Variants in PLCL1 observed in about 807,000 individuals in gnomAD.
The protein encoded by PLCL1 is phospholipase C like 1 (inactive).
Under a neutral mutation model 84.4 loss-of-function variants are expected in PLCL1, and 41 were observed. That is an observed-to-expected ratio of 0.49 (90% CI 0.38 to 0.63). The LOEUF (loss-of-function observed/expected upper bound fraction) is 0.63. Among genes scored for constraint, PLCL1 ranks in the 30% least tolerant of loss-of-function variants. The pLI, the probability that PLCL1 is intolerant of heterozygous loss-of-function variation, is 0.00. For missense variants in PLCL1, 1,206 were observed against 1,367.8 expected (o/e 0.88, Z 1.87); for synonymous variants, 490 against 488.3 (o/e 1.00, Z -0.05).
intron 1 of PLCL1, among the ~76,000 whole-genome samples, chr2:197,948,922 C>T (rs764677037): frequency 2.6e-5 from 4 of 152,082 alleles, no homozygotes; most frequent in Admixed American, 6.6e-5. Flanking sequence ...GTTTCTAGTC[C>T]CATGTCTCTG....
chr2:197,823,862 T>C (rs1397872099), intron 1 of PLCL1, among the ~76,000 whole-genome samples: 1 of 152,194 alleles, frequency 6.6e-6, no homozygotes, highest in Non-Finnish European at 1.5e-5. Context: ...TCAGTATGTA[T>C]AATTGTCACT....
At chr2:198,099,144 C>T (rs1371614283) in intron 3 of PLCL1, among the ~76,000 whole-genome samples, 1 of 152,152 alleles carries the variant, frequency 6.6e-6, no homozygotes, top group African/African-American at 2.4e-5. Context: ...CTGCCAGATT[C>T]TATCGACTGA....
Position 197,929,458 on chromosome 2 carries a change from T to C in PLCL1, c.240+124119T>C, listed in dbSNP as rs1688893571. On this transcript the variant is annotated intron_variant, in intron 1 of 5. Coordinates refer to ENST00000428675, the MANE Select transcript of PLCL1 (RefSeq NM_006226.4). ...CTCCTGCTCTTCAGTTGGAAGTGGC[T>C]GCAGCTGTTATTAGCAGATAAGCAG... is the stretch of plus-strand genomic sequence containing the variant. Among the ~76,000 whole-genome samples the C allele has an allele frequency of 2.0e-5, 3 of 152,204 alleles. No homozygotes were observed. The South Asian group carries it at 6.2e-4, about 31-fold the overall frequency.
rs745783283 is a variant in PLCL1, at chr2:198,085,160, CAGA to C, written c.1644_1646del (p.Asp549del). On this transcript the variant is annotated inframe_deletion, in exon 2 of 6. Coordinates refer to ENST00000428675, the MANE Select transcript of PLCL1 (RefSeq NM_006226.4). The surrounding 1 kb of genome is among the most constrained non-coding windows in gnomAD (Gnocchi z 5.3). The stretch of plus-strand genomic sequence containing the variant: ...AAAGGAAAGAAGTTGCCTTCTGATC[CAGA>C]TGTGTTAGAAGGAGAAGTAACAGAT... 1.4e-5 allele frequency: 22 copies of C among 1,613,720 alleles called. No homozygotes were observed. Among genetic ancestry groups the C allele is most frequent in the Non-Finnish European group, 1.9e-5 (22 of 1,179,822 alleles).
At chr2:197,866,959 G>C (rs1328541297) in intron 1 of PLCL1, among the ~76,000 whole-genome samples, 1 of 152,166 alleles carries the variant, frequency 6.6e-6, no homozygotes, top group East Asian at 1.9e-4. Flanking sequence ...CATTCATAAA[G>C]CTAAAGAAGG....
intron 5 of PLCL1, among the ~76,000 whole-genome samples, chr2:198,105,571 G>T (rs1269140944): frequency 6.7e-6 from 1 of 149,776 alleles, no homozygotes; most frequent in East Asian, 2.0e-4. Flanking sequence ...TGCAGGCAGG[G>T]TACAGCCCAT....
intron 5 of PLCL1, among the ~76,000 whole-genome samples, chr2:198,143,303 A>G (rs1694432562): frequency 1.3e-5 from 2 of 152,244 alleles, no homozygotes; most frequent in Non-Finnish European, 1.5e-5. Flanking sequence ...CTGAGAATCT[A>G]ATGTCGCTGC....
At chr2:197,918,971 T>TCTCTCTCTCTCACA (rs373512508) in intron 1 of PLCL1, among the ~76,000 whole-genome samples, 118 of 144,646 alleles carry the variant, frequency 8.2e-4, no homozygotes, top group Middle Eastern at 3.5e-3. Flanking sequence ...TCTCTCTCCC[T>TCTCTCTCTCTCACA]CACACACACA....
At chr2:197,831,203 A>C (rs1449759818) in intron 1 of PLCL1, among the ~76,000 whole-genome samples, 1 of 152,180 alleles carries the variant, frequency 6.6e-6, no homozygotes, top group Non-Finnish European at 1.5e-5. Context: ...AAATACCCCA[A>C]TTAAAAGACA....
chr2:197,989,722 AC>A (rs1193066769), intron 1 of PLCL1, among the ~76,000 whole-genome samples: 1 of 151,766 alleles, frequency 6.6e-6, no homozygotes, highest in Non-Finnish European at 1.5e-5. Flanking sequence ...ACAAAACAAA[AC>A]AAAAAACAAA....
intron 1 of PLCL1, among the ~76,000 whole-genome samples, chr2:198,040,823 A>G (rs1234683841): frequency 6.6e-6 from 1 of 152,214 alleles, no homozygotes; most frequent in Non-Finnish European, 1.5e-5. Flanking sequence ...GTCTTCTGCT[A>G]GAGTTTCATG....
chr2:197,813,283 C>G (rs1690625379), intron 1 of PLCL1, among the ~76,000 whole-genome samples: 1 of 152,104 alleles, frequency 6.6e-6, no homozygotes, highest in Admixed American at 6.5e-5. Context: ...AGCTTCCTCC[C>G]CATATAACAT....
At chr2:197,946,504 A>C (rs1457409339) in intron 1 of PLCL1, among the ~76,000 whole-genome samples, 1 of 121,202 alleles carries the variant, frequency 8.3e-6, no homozygotes, top group Non-Finnish European at 1.8e-5. Context: ...ATTTTAAAGA[A>C]ATTAAAAACA....
chr2:197,857,337 C>T (rs1382091068), intron 1 of PLCL1, among the ~76,000 whole-genome samples: 2 of 152,094 alleles, frequency 1.3e-5, no homozygotes, highest in Non-Finnish European at 2.9e-5. Flanking sequence ...CCAGTACAAC[C>T]TCTGCAGAGA....
intron 1 of PLCL1, among the ~76,000 whole-genome samples, chr2:197,814,980 T>A: frequency 6.6e-6 from 1 of 152,298 alleles, no homozygotes. Flanking sequence ...GCTATCTCTA[T>A]AATGTAAAAT....
chr2:197,990,280 G>A (rs1393487552), intron 1 of PLCL1, among the ~76,000 whole-genome samples: 1 of 152,194 alleles, frequency 6.6e-6, no homozygotes, highest in Non-Finnish European at 1.5e-5. Flanking sequence ...ATATGAGTTT[G>A]CAATTGCAGG....
chr2:198,061,312 T>C (rs1692194127), intron 1 of PLCL1, among the ~76,000 whole-genome samples: 1 of 152,202 alleles, frequency 6.6e-6, no homozygotes, highest in South Asian at 2.1e-4. Flanking sequence ...CGATACAATT[T>C]CTATTGTTTC....
intron 1 of PLCL1, among the ~76,000 whole-genome samples, chr2:198,080,480 G>A (rs1396684900): frequency 6.6e-6 from 1 of 151,962 alleles, no homozygotes; most frequent in African/African-American, 2.4e-5. Flanking sequence ...CTTAGAAGGA[G>A]ATTTGGAGTC....
intron 3 of PLCL1, 56 bp from the exon 4 acceptor site, chr2:198,101,229 A>G: frequency 9.7e-7 from 1 of 1,028,230 alleles, no homozygotes; most frequent in Non-Finnish European, 1.5e-6. Flanking sequence ...TCGTCTTCCC[A>G]ATGAGCCAGT....
Sources: gnomAD v4.1 joint callset for allele counts (sites outside exome capture counted in the v4.1 genomes callset) on GRCh38, gnomAD v4.1.1 for gene constraint, Gnocchi (gnomAD v3.1) non-coding constraint, MANE v1.5 for transcripts, NCBI Gene and HGNC (gene_info 2026-07-23, HGNC 2026-07-21) for gene names.